OPHN1: variants seen among roughly 807,000 people sequenced by gnomAD.
The protein encoded by OPHN1 is oligophrenin 1, also known as oligophrenin-1.
In OPHN1, 11 loss-of-function variants were observed where a neutral mutation model predicts 60.7. The ratio of observed to expected loss-of-function variants is 0.18; its 90% CI spans 0.11 to 0.30. The LOEUF is 0.30. Ranked by LOEUF, OPHN1 falls within the 10% of genes least tolerant of loss-of-function variation. The probability of loss-of-function intolerance (pLI) is 1.00; values close to 1 mark genes in which losing one functional copy is unlikely to be tolerated. For missense variants in OPHN1, 449 were observed against 611.0 expected (o/e 0.73, Z 2.80); for synonymous variants, 226 against 222.6 (o/e 1.02, Z -0.14).
chrX:68,279,747 G>T (rs911617986), intron 4 of OPHN1, among the ~76,000 whole-genome samples: 1 of 111,587 alleles, frequency 9.0e-6, no homozygotes, highest in South Asian at 3.8e-4. Flanking sequence ...AGCATTCCTG[G>T]AATTAAGTGG....
chrX:68,388,891 A>T (rs1019754834), intron 2 of OPHN1, among the ~76,000 whole-genome samples: 8 of 111,222 alleles, frequency 7.2e-5, no homozygotes, highest in Non-Finnish European at 1.3e-4. Flanking sequence ...TAGTAATAAG[A>T]CCTATTTAGT....
intron 15 of OPHN1, among the ~76,000 whole-genome samples, chrX:68,191,309 C>T (rs750774666): frequency 9.0e-6 from 1 of 111,346 alleles, no homozygotes; most frequent in Non-Finnish European, 1.9e-5. Flanking sequence ...TCCATTTACC[C>T]GAGCATGCTA....
intron 5 of OPHN1, among the ~76,000 whole-genome samples, chrX:68,274,224 A>G (rs978121942): frequency 3.6e-5 from 4 of 112,019 alleles, no homozygotes; most frequent in Admixed American, 2.9e-4. Context: ...TGGTCATGTT[A>G]TTTATCTTGT....
At chrX:68,394,442 G>T (rs1049708402) in intron 2 of OPHN1, among the ~76,000 whole-genome samples, 1 of 111,453 alleles carries the variant, frequency 9.0e-6, no homozygotes, top group African/African-American at 3.3e-5. Flanking sequence ...ATGCTTGCCT[G>T]CTTTTACATA....
intron 16 of OPHN1, among the ~76,000 whole-genome samples, chrX:68,113,983 A>T (rs5007095): frequency 1.6e-5 from 1 of 63,749 alleles, no homozygotes; most frequent in African/African-American, 1.9e-4. Context: ...AAAAAAAAAG[A>T]AAAAAAAAAA....
intron 2 of OPHN1, among the ~76,000 whole-genome samples, chrX:68,416,085 G>T (rs202153222): frequency 2.1e-3 from 47 of 22,894 alleles, no homozygotes; most frequent in Non-Finnish European, 0.011. Context: ...GAGAGAGAGA[G>T]AGAGAGAGAG....
chrX:68,327,974 C>G (rs1162831541), intron 2 of OPHN1, among the ~76,000 whole-genome samples: 1 of 101,467 alleles, frequency 9.9e-6, no homozygotes, highest in East Asian at 3.0e-4. Context: ...GGACTACAGG[C>G]GCCCGCCACC....
chrX:68,417,867 G>A (rs756925442), intron 2 of OPHN1, among the ~76,000 whole-genome samples: 11 of 112,501 alleles, frequency 9.8e-5, no homozygotes, highest in Non-Finnish European at 1.5e-4. Flanking sequence ...CCAAGCAACC[G>A]CCTCCTTGCC....
intron 6 of OPHN1, among the ~76,000 whole-genome samples, chrX:68,216,005 A>G (rs1188901258): frequency 1.8e-5 from 2 of 111,963 alleles, no homozygotes; most frequent in Non-Finnish European, 3.8e-5. Flanking sequence ...CCTAACAGAT[A>G]AGAATTTGTC....
intron 6 of OPHN1, among the ~76,000 whole-genome samples, chrX:68,230,132 A>T (rs2077720105): frequency 8.9e-6 from 1 of 112,386 alleles, no homozygotes; most frequent in South Asian, 3.7e-4. Flanking sequence ...TCAAAAGAAG[A>T]CATTTATGCA....
chrX:68,387,021 C>A (rs1018656208), intron 2 of OPHN1, among the ~76,000 whole-genome samples: 1 of 86,930 alleles, frequency 1.2e-5, no homozygotes, highest in Non-Finnish European at 1.9e-5. Context: ...GATTTTCTTC[C>A]TTCTATCACC....
intron 6 of OPHN1, among the ~76,000 whole-genome samples, chrX:68,224,995 T>C (rs976724318): frequency 6.2e-5 from 7 of 112,153 alleles, no homozygotes; most frequent in Non-Finnish European, 1.3e-4. Flanking sequence ...TGACAGACAG[T>C]ACCTGGAAAA....
chrX:68,232,929 CTTT>C (rs537093148), intron 6 of OPHN1, among the ~76,000 whole-genome samples: 6 of 94,178 alleles, frequency 6.4e-5, no homozygotes, highest in Non-Finnish European at 6.4e-5. Context: ...ACAACTAAGG[CTTT>C]TTTTTTTTTT....
chrX:68,096,962 G>C lies in OPHN1; in HGVS notation c.1594C>G (p.Leu532Val), dbSNP rs953339084. The C allele has an allele frequency of 8.3e-7, 1 of 1,208,445 alleles. No individual in the cohort carries two copies. Among genetic ancestry groups the C allele is most frequent in the African/African-American group, 1.8e-5 (1 of 57,014 alleles). ...SNMGVIFGPTLMRAQEDTVAA... is the reference protein window; with the variant it reads ...SNMGVIFGPTVMRAQEDTVAA... ...ACAGTGTCCTCCTGAGCTCTCATCAGGGTGGGCCCAAAGATTACTCCCATG... is the reference window on the plus strand; with the variant it reads ...ACAGTGTCCTCCTGAGCTCTCATCACGGTGGGCCCAAAGATTACTCCCATG... Residue 532 changes from leucine (L) to valine (V), a missense_variant, in exon 19 of 25, where the codon CTG becomes GTG. Physicochemically the swap from Leu to Val is conservative, Grantham distance 32. Coordinates refer to ENST00000355520, the MANE Select transcript of OPHN1 (RefSeq NM_002547.3).
chrX:68,162,968 T>C (rs1305007500), intron 15 of OPHN1, among the ~76,000 whole-genome samples: 1 of 111,248 alleles, frequency 9.0e-6, no homozygotes, highest in East Asian at 2.8e-4. Context: ...GAAAATATAA[T>C]AAATCATGTA....
intron 4 of OPHN1, among the ~76,000 whole-genome samples, chrX:68,281,643 G>C (rs918872573): frequency 8.9e-6 from 1 of 112,095 alleles, no homozygotes; most frequent in Non-Finnish European, 1.9e-5. Flanking sequence ...ACAAGCCACA[G>C]ACGAGGAGAA....
chrX:68,269,162 C>T (rs1223722316), intron 5 of OPHN1, among the ~76,000 whole-genome samples: 5 of 111,349 alleles, frequency 4.5e-5, no homozygotes, highest in East Asian at 2.8e-4. Flanking sequence ...GCCATACTGC[C>T]CAAGGTAATT....
At chrX:68,274,505 A>G (rs939666634) in intron 5 of OPHN1, among the ~76,000 whole-genome samples, 1 of 111,461 alleles carries the variant, frequency 9.0e-6, no homozygotes, top group Non-Finnish European at 1.9e-5. Context: ...CATAGAAACT[A>G]ATCACCCACC....
chrX:68,254,720 A>G (rs1309304569), intron 5 of OPHN1, among the ~76,000 whole-genome samples: 1 of 111,047 alleles, frequency 9.0e-6, no homozygotes. Flanking sequence ...ATGCCATGTG[A>G]AAAGAGCCCT....
Sources: allele counts gnomAD v4.1 joint callset (sites outside exome capture counted in the v4.1 genomes callset), GRCh38; gene constraint gnomAD v4.1.1; transcripts MANE v1.5; gene names NCBI Gene and HGNC (gene_info 2026-07-23, HGNC 2026-07-21).